Variants in PKHD1L1 observed in about 807,000 individuals in gnomAD.
PKHD1L1 encodes the protein PKHD1 like 1, also known as fibrocystin-L.
A neutral mutation model predicts 462.9 loss-of-function variants in PKHD1L1; 434 were observed. That is an observed-to-expected ratio of 0.94 (90% CI 0.87 to 1.02). PKHD1L1 has a LOEUF of 1.02. PKHD1L1 is among the 50% of genes least tolerant of loss of function. PKHD1L1 has a pLI of 0.00. For missense variants in PKHD1L1, 5,202 were observed against 5,096.1 expected (o/e 1.02, Z -0.63); for synonymous variants, 1,781 against 1,750.0 (o/e 1.02, Z -0.44).
chr8:109,459,834 C>G lies in PKHD1L1; in HGVS notation c.7244C>G (p.Thr2415Arg). ...KIPACPDGFD[T>R]GEFATQTCLQ... ...CCTGCATGTCCTGATGGATTTGACA[C>G]AGGTAATTTTAGCAGCTCTCGTGGT... Residue 2415 changes from threonine (T) to arginine (R), a missense_variant and splice_region_variant, in exon 47 of 78, where the codon ACA becomes AGA. Thr to Arg is a moderately conservative substitution (Grantham distance 71). This residue lies in a region of PKHD1L1 where 4,497 missense variants were observed against 4,336.8 expected (regional missense o/e 1.04). Transcript: ENST00000378402. 6 of 1,607,560 alleles carry G rather than the reference C, an allele frequency of 3.7e-6. No individual in the cohort carries two copies. The highest frequency in any genetic ancestry group is 4.3e-6 in the Non-Finnish European group (5 of 1,176,336).
rs775669405 is a variant in PKHD1L1, at chr8:109,441,260, A to G, written c.4100-15A>G. The G allele has an allele frequency of 6.7e-7, 1 of 1,487,932 alleles. No individual in the cohort carries two copies. Among genetic ancestry groups the G allele is most frequent in the South Asian group, 1.3e-5 (1 of 78,656 alleles). 92.2% of individuals were successfully genotyped at this position (1,487,932 alleles called of 1,614,324 possible). On this transcript the variant is annotated splice_polypyrimidine_tract_variant and intron_variant, in intron 33 of 77. Coordinates refer to ENST00000378402, the MANE Select transcript of PKHD1L1 (RefSeq NM_177531.6). ...TGTTTGCTTTTTAAAAATATGCAGT[A>G]TTTATTCTTTCTAGGGTCCATCCCT...
Position 109,410,726 on chromosome 8 carries a change from C to CTTTTTTTTT in PKHD1L1, c.2085+761_2085+769dup, listed in dbSNP as rs71303459. 1.3e-3 allele frequency among the ~76,000 whole-genome samples: 90 copies of CTTTTTTTTT among 68,384 alleles called. 10 individuals are homozygous for CTTTTTTTTT. The highest frequency in any genetic ancestry group is 5.9e-3 in the African/African-American group (72 of 12,262). The allele number at this position is 68,384 out of a possible 152,430, so 44.9% of individuals were successfully genotyped here. On this transcript the variant is annotated intron_variant, in intron 19 of 77. Coordinates refer to ENST00000378402, the MANE Select transcript of PKHD1L1 (RefSeq NM_177531.6). ...TTCTTTTTTCTTTTCTTTTCTTTTT[C>CTTTTTTTTT]TTTTTTTTTTTTTTTTTTTTTGAGA... is the stretch of plus-strand genomic sequence containing the variant.
intron 62 of PKHD1L1, 27 bp from the exon 63 acceptor site, chr8:109,493,633 CA>C: frequency 7.0e-7 from 1 of 1,422,620 alleles, no homozygotes; most frequent in Non-Finnish European, 9.8e-7. Flanking sequence ...GCCTGATGCA[CA>C]GTATTTTTTT....
rs749307108 is a variant in PKHD1L1, at chr8:109,454,852, G to A, written c.6874G>A (p.Gly2292Ser). ...GCGGGAGGGAATCCTGGATCTGCAC[G>A]GTACTGTGGCCAAGTGGCTAAGGGA... The part of the protein sequence containing the change: ...AVREGILDLH[G>S]VPVPVTWTRL... Residue 2292 changes from glycine (G) to serine (S), a missense_variant and splice_region_variant, in exon 45 of 78, where the codon GGT becomes AGT. Transcript: ENST00000378402. 52 of 1,612,264 alleles carry A rather than the reference G, an allele frequency of 3.2e-5. No homozygotes were observed. The highest frequency in any genetic ancestry group is 6.7e-5 in the Admixed American group (4 of 59,658).
At chr8:109,510,971 T>A in intron 71 of PKHD1L1, 37 bp downstream of exon 71, 1 of 1,595,768 alleles carries the variant, frequency 6.3e-7, no homozygotes, top group South Asian at 1.1e-5. Context: ...TGCTGTTGAT[T>A]ATTTGCATGT....
intron 72 of PKHD1L1, among the ~76,000 whole-genome samples, chr8:109,516,458 T>G (rs1290880114): frequency 6.6e-6 from 1 of 151,980 alleles, no homozygotes; most frequent in East Asian, 1.9e-4. Context: ...TCATGAGGTC[T>G]CCCCCTTCAC....
At chr8:109,499,922 G>A (rs1159353236) in intron 67 of PKHD1L1, among the ~76,000 whole-genome samples, 2 of 152,180 alleles carry the variant, frequency 1.3e-5, no homozygotes, top group African/African-American at 4.8e-5. Context: ...AGGTGGGTAG[G>A]GGACGGAAGT....
At chr8:109,471,389 C>T (rs1817708503) in intron 50 of PKHD1L1, among the ~76,000 whole-genome samples, 1 of 152,098 alleles carries the variant, frequency 6.6e-6, no homozygotes, top group Non-Finnish European at 1.5e-5. Flanking sequence ...AAGTAAAGAA[C>T]ATTCTCTCAT....
intron 47 of PKHD1L1, among the ~76,000 whole-genome samples, chr8:109,460,399 TAGAC>T (rs1179767049): frequency 6.6e-6 from 1 of 152,100 alleles, no homozygotes; most frequent in Non-Finnish European, 1.5e-5. Context: ...TGATGATGGA[TAGAC>T]AGACAAATGG....
chr8:109,459,888 A>G (rs1817025731), intron 47 of PKHD1L1, 52 bp downstream of exon 47: 1 of 1,499,870 alleles, frequency 6.7e-7, no homozygotes, highest in Middle Eastern at 2.2e-4. Context: ...TAGTTTTACA[A>G]TTTAATTGGT....
rs1036101300 is a variant in PKHD1L1 at position 109,419,183 on chromosome 8, A to G, written c.2447A>G (p.His816Arg). ...GTTTCTCTTCAGAGGATTAGCTTAC[A>G]TAAAGCATCAGAATCACAGTCCTTC... is the stretch of plus-strand genomic sequence containing the variant. Reference protein sequence around the residue: ...TNVSLQRISLHKASESQSFYV... With the variant: ...TNVSLQRISLRKASESQSFYV... Residue 816 changes from histidine to arginine, a missense_variant, in exon 22 of 78, where the codon CAT (histidine) becomes CGT (arginine). By Grantham distance (29) the His-to-Arg change is conservative. Transcript: ENST00000378402. The G allele has an allele frequency of 4.3e-6, 7 of 1,613,608 alleles. No individual in the cohort carries two copies. The highest frequency in any genetic ancestry group is 1.7e-5 in the Admixed American group (1 of 60,010).
intron 57 of PKHD1L1, 57 bp from the exon 58 acceptor site, chr8:109,484,987 G>T: frequency 7.3e-7 from 1 of 1,368,644 alleles, no homozygotes; most frequent in Non-Finnish European, 9.9e-7. Context: ...ATGATATCAA[G>T]AAATATAAAT....
chr8:109,503,655 T>C (rs1447276619), intron 67 of PKHD1L1, among the ~76,000 whole-genome samples: 1 of 152,214 alleles, frequency 6.6e-6, no homozygotes, highest in Non-Finnish European at 1.5e-5. Context: ...CCACATAATA[T>C]ATACAAAGAA....
chr8:109,503,075 G>A (rs972146660), intron 67 of PKHD1L1, among the ~76,000 whole-genome samples: 1 of 152,206 alleles, frequency 6.6e-6, no homozygotes, highest in Non-Finnish European at 1.5e-5. Context: ...GGAGGCCAAG[G>A]AGAGTGGATC....
At chr8:109,523,209 T>A in intron 75 of PKHD1L1, 24 bp from the exon 76 acceptor site, 1 of 1,536,066 alleles carries the variant, frequency 6.5e-7, no homozygotes, top group Non-Finnish European at 8.8e-7. Flanking sequence ...TTGTTATAAT[T>A]ATCTACTTTT....
intron 46 of PKHD1L1, among the ~76,000 whole-genome samples, chr8:109,458,156 T>C (rs572931102): frequency 2.0e-5 from 3 of 152,168 alleles, no homozygotes; most frequent in Non-Finnish European, 4.4e-5. Flanking sequence ...TTTGTTTTCT[T>C]TCTTTAAACA....
chr8:109,478,802 GTA>G (rs1318863524), intron 53 of PKHD1L1, among the ~76,000 whole-genome samples: 3 of 152,062 alleles, frequency 2.0e-5, no homozygotes, highest in Non-Finnish European at 4.4e-5. Flanking sequence ...ATATGCCATG[GTA>G]TAGTTTTTCT....
intron 30 of PKHD1L1, among the ~76,000 whole-genome samples, chr8:109,437,287 G>A (rs1271168797): frequency 6.6e-6 from 1 of 152,126 alleles, no homozygotes; most frequent in Non-Finnish European, 1.5e-5. Flanking sequence ...AAAAAGTGAA[G>A]TTCTCTGTGG....
rs769226057 is a variant in PKHD1L1, at chr8:109,401,603, T to A, written c.1373+15T>A. The A allele has an allele frequency of 7.4e-7, 1 of 1,348,554 alleles. No homozygotes were observed. Among genetic ancestry groups the A allele is most frequent in the Admixed American group, 1.8e-5 (1 of 55,784 alleles). The allele number at this position is 1,348,554 out of a possible 1,614,324, so 83.5% of individuals were successfully genotyped here. Reference sequence around the variant, plus strand: ...AAAGGAAAAGAGTAAGGCTTTTTCCTGTCATTAAATTACTGTGTGGTATTT... The same window carrying A: ...AAAGGAAAAGAGTAAGGCTTTTTCCAGTCATTAAATTACTGTGTGGTATTT... On this transcript the variant is annotated intron_variant, in intron 14 of 77. Transcript: ENST00000378402.
Sources: gnomAD v4.1 joint callset for allele counts (sites outside exome capture counted in the v4.1 genomes callset) on GRCh38, gnomAD v4.1.1 for gene constraint, gnomAD v4.1.1 regional missense constraint, MANE v1.5 for transcripts, NCBI Gene and HGNC (gene_info 2026-07-23, HGNC 2026-07-21) for gene names.